CRTAP: variants seen among roughly 807,000 people sequenced by gnomAD.
The protein encoded by CRTAP is cartilage-associated protein.
In CRTAP, 33 loss-of-function variants were observed where a neutral mutation model predicts 42.7. That is an observed-to-expected ratio of 0.77 (90% CI 0.59 to 1.03). The LOEUF is 1.03. Among genes scored for constraint, CRTAP ranks in the 50% least tolerant of loss-of-function variants. CRTAP has a pLI of 0.00. For missense variants in CRTAP, 613 were observed against 533.9 expected (o/e 1.15, Z -1.46); for synonymous variants, 243 against 217.7 (o/e 1.12, Z -1.02).
intron 6 of CRTAP, among the ~76,000 whole-genome samples, chr3:33,138,704 T>A (rs1185287819): frequency 6.6e-6 from 1 of 152,198 alleles, no homozygotes; most frequent in Non-Finnish European, 1.5e-5. Flanking sequence ...AGTACTATGT[T>A]GAATAGAAGC....
chr3:33,123,881 A>G (rs940630615), intron 2 of CRTAP, among the ~76,000 whole-genome samples: 1 of 152,176 alleles, frequency 6.6e-6, no homozygotes, highest in Non-Finnish European at 1.5e-5. Context: ...AGACTAATAT[A>G]CCTGCTCTCA....
chr3:33,124,202 A>G (rs951505019), intron 2 of CRTAP, among the ~76,000 whole-genome samples: 2 of 152,212 alleles, frequency 1.3e-5, no homozygotes, highest in Non-Finnish European at 1.5e-5. Context: ...TTTGAATTGA[A>G]CTAAATAAGA....
chr3:33,116,783 T>G (rs1286016519), intron 1 of CRTAP, among the ~76,000 whole-genome samples: 1 of 152,128 alleles, frequency 6.6e-6, no homozygotes, highest in African/African-American at 2.4e-5. Context: ...TAATTTTTGG[T>G]GGAGATATTG....
At chr3:33,114,658 T>G in intron 1 of CRTAP, 110 bp downstream of exon 1, 6 of 1,009,086 alleles carry the variant, frequency 5.9e-6, no homozygotes, top group Non-Finnish European at 8.8e-6. Flanking sequence ...GTTCTAGACC[T>G]GGCTCCCTCC....
At chr3:33,132,426 C>T (rs1275424487) in intron 4 of CRTAP, 129 bp from the exon 5 acceptor site, 11 of 1,335,020 alleles carry the variant, frequency 8.2e-6, no homozygotes, top group East Asian at 4.6e-5. Context: ...GGCTGCCAGT[C>T]GGCCCCAGGC....
At position 33,114,406 on chromosome 3, in the gene CRTAP, G is replaced by C. The variant is rs761073068; in HGVS notation, c.329G>C (p.Gly110Ala). The change falls in exon 1 of 7, where the codon GGG becomes GCG. Residue 110 changes from glycine to alanine, a missense_variant. By Grantham distance (60) the Gly-to-Ala change is moderately conservative. Transcript: ENST00000320954. Reference sequence around the variant, plus strand: ...AGCTATCCCGAGCTGCGCCTCTTCGGGGGCCTGCTGCGCCGCGCGCACTGC... The same window carrying C: ...AGCTATCCCGAGCTGCGCCTCTTCGCGGGCCTGCTGCGCCGCGCGCACTGC... ...LASYPELRLF[G>A]GLLRRAHCLK... 6.5e-7 allele frequency: 1 copy of C among 1,541,478 alleles called. No homozygotes were observed. The highest frequency in any genetic ancestry group is 2.5e-5 in the East Asian group (1 of 40,402).
rs1176028547 is a variant in CRTAP at position 33,114,425 on chromosome 3, G to C, written c.348G>C (p.Ala116=). ...TCTTCGGGGGCCTGCTGCGCCGCGC[G>C]CACTGCCTCAAGCGCTGCAAGCAGG... ...LRLFGGLLRR[A]HCLKRCKQGL... is the part of the protein sequence containing the mutation. The change falls in exon 1 of 7, where the codon GCG becomes GCC. Residue 116 remains alanine (A), a synonymous_variant. Coordinates refer to ENST00000320954, the MANE Select transcript of CRTAP (RefSeq NM_006371.5). The C allele has an allele frequency of 1.9e-6, 3 of 1,555,478 alleles. No individual in the cohort carries two copies. Among genetic ancestry groups the C allele is most frequent in the Admixed American group, 1.9e-5 (1 of 53,302 alleles).
chr3:33,124,326 G>T, intron 2 of CRTAP, 82 bp from the exon 3 acceptor site: 1 of 1,544,786 alleles, frequency 6.5e-7, no homozygotes, highest in Non-Finnish European at 8.9e-7. Flanking sequence ...GCTTGGTGGT[G>T]GTCTTGGTTC....
intron 1 of CRTAP, among the ~76,000 whole-genome samples, chr3:33,115,763 A>G (rs1432856958): frequency 1.3e-5 from 2 of 151,924 alleles, no homozygotes; most frequent in Non-Finnish European, 2.9e-5. Context: ...CTGTTTTTTC[A>G]GATTTCCACC....
intron 1 of CRTAP, among the ~76,000 whole-genome samples, chr3:33,119,384 TGGCG>T (rs1701386382): frequency 6.6e-6 from 1 of 151,546 alleles, no homozygotes; most frequent in Non-Finnish European, 1.5e-5. Context: ...GATTGTAGGG[TGGCG>T]TAAAATGCGG....
chr3:33,119,077 T>C (rs985927109), intron 1 of CRTAP, among the ~76,000 whole-genome samples: 13 of 152,188 alleles, frequency 8.5e-5, no homozygotes, highest in African/African-American at 3.1e-4. Flanking sequence ...AGTGCAGGCT[T>C]TTTTCAAGTG....
At chr3:33,117,234 G>A (rs1383775334) in intron 1 of CRTAP, among the ~76,000 whole-genome samples, 2 of 152,256 alleles carry the variant, frequency 1.3e-5, no homozygotes, top group African/African-American at 4.8e-5. Context: ...ATAGTGCGCT[G>A]TGGCAGGACA....
chr3:33,133,469 C>T (rs1010109520), intron 5 of CRTAP, among the ~76,000 whole-genome samples: 23 of 151,364 alleles, frequency 1.5e-4, no homozygotes, highest in African/African-American at 4.9e-4. Context: ...GGGCTAGTCT[C>T]GAACTCCTGG....
intron 6 of CRTAP, among the ~76,000 whole-genome samples, chr3:33,141,373 C>T (rs113957116): frequency 7.7e-4 from 117 of 152,294 alleles, no homozygotes; most frequent in African/African-American, 2.7e-3. Context: ...TTTTTCCAAG[C>T]TGTAGTGTCT....
chr3:33,126,436 G>C (rs1464662173), intron 3 of CRTAP, among the ~76,000 whole-genome samples: 4 of 152,148 alleles, frequency 2.6e-5, no homozygotes, highest in African/African-American at 9.7e-5. Flanking sequence ...TCTGTCTTCT[G>C]TATTTCTTGT....
Position 33,147,357 on chromosome 3 carries a change from T to G in CRTAP, c.*4909T>G, listed in dbSNP as rs2030749025. Reference sequence around the variant, plus strand: ...GAATCAAGAGCAGCTATTGTTATCCTTAGAGTGTTTTCCGTCTAGGGCCGG... The same window carrying G: ...GAATCAAGAGCAGCTATTGTTATCCGTAGAGTGTTTTCCGTCTAGGGCCGG... On this transcript the variant is annotated 3_prime_UTR_variant, in exon 7 of 7. Coordinates refer to ENST00000320954, the MANE Select transcript of CRTAP (RefSeq NM_006371.5). 6.5e-6 allele frequency: 1 copy of G among 152,714 alleles called. No homozygotes were observed. Among genetic ancestry groups the G allele is most frequent in the Non-Finnish European group, 1.5e-5 (1 of 68,068 alleles). The allele number at this position is 152,714 out of a possible 1,614,324, so 9.5% of individuals were successfully genotyped here.
rs147014647 is a variant in CRTAP, at chr3:33,118,304, A to G, written c.472-2040A>G. Among the ~76,000 whole-genome samples, 194 of 152,296 alleles carry G rather than the reference A, an allele frequency of 1.3e-3. No homozygotes were observed. In the East Asian group the frequency reaches 0.028, roughly 22 times the overall value. On this transcript the variant is annotated intron_variant, in intron 1 of 6. Coordinates refer to ENST00000320954, the MANE Select transcript of CRTAP (RefSeq NM_006371.5). ...TGCTGTTCTGAGAATTAGTGACTCT[A>G]ATTTCACTGGCAAATGCTTTAAAAG...
rs2125609579 is a variant in CRTAP at position 33,147,435 on chromosome 3, T to C, written c.*4987T>C. 1 of 152,750 alleles carries C rather than the reference T, an allele frequency of 6.5e-6. No individual in the cohort carries two copies. The highest frequency in any genetic ancestry group is 1.5e-5 in the Non-Finnish European group (1 of 68,056). The allele number at this position is 152,750 out of a possible 1,614,324, so 9.5% of individuals were successfully genotyped here. On this transcript the variant is annotated 3_prime_UTR_variant, in exon 7 of 7. Coordinates refer to ENST00000320954, the MANE Select transcript of CRTAP (RefSeq NM_006371.5). The stretch of plus-strand genomic sequence containing the variant: ...CTGACACTGTCCCCACACAAATAGC[T>C]GGCTTTCGTTGCTTGTTGAATGAAT...
At position 33,121,448 on chromosome 3, in the gene CRTAP, A is replaced by G. The variant is rs1418456415; in HGVS notation, c.621+955A>G. Reference sequence around the variant, plus strand: ...AAGAAAATGGGGATATGTGGAAAATATCCACTAGAAGTTATAGTTCCCAAG... The same window carrying G: ...AAGAAAATGGGGATATGTGGAAAATGTCCACTAGAAGTTATAGTTCCCAAG... On this transcript the variant is annotated intron_variant, in intron 2 of 6. Coordinates refer to ENST00000320954, the MANE Select transcript of CRTAP (RefSeq NM_006371.5). 3.3e-5 allele frequency among the ~76,000 whole-genome samples: 5 copies of G among 151,872 alleles called. No homozygotes were observed. In the East Asian group the frequency reaches 9.7e-4, roughly 29 times the overall value.
Sources: gnomAD v4.1 joint callset for allele counts (sites outside exome capture counted in the v4.1 genomes callset) on GRCh38, gnomAD v4.1.1 for gene constraint, MANE v1.5 for transcripts, NCBI Gene and HGNC (gene_info 2026-07-23, HGNC 2026-07-21) for gene names.